The following POMT2 variants were observed in gnomAD, a reference collection of about 807,000 sequenced individuals.
POMT2 encodes the protein protein O-mannosyl-transferase 2.
Under a neutral mutation model 100.0 loss-of-function variants are expected in POMT2, and 75 were observed. That is an observed-to-expected ratio of 0.75 (90% CI 0.62 to 0.91). The LOEUF is 0.91. Ranked by LOEUF, POMT2 falls within the 40% of genes least tolerant of loss-of-function variation. POMT2 has a pLI of 0.00. For missense variants in POMT2, 940 were observed against 955.1 expected, an observed-to-expected ratio of 0.98 and a Z score of 0.21; for synonymous variants, 378 against 374.1, an observed-to-expected ratio of 1.01 and a Z score of -0.12.
At chr14:77,278,597 G>A (rs1016965431) in intron 19 of POMT2, 89 bp from the exon 20 acceptor site, 1 of 1,470,352 alleles carries the variant, frequency 6.8e-7, no homozygotes, top group Non-Finnish European at 9.3e-7. Flanking sequence ...TCAAGGAGCA[G>A]AGAGTCACTC....
intron 1 of POMT2, among the ~76,000 whole-genome samples, chr14:77,318,952 T>C (rs12891780): frequency 0.051 from 7,784 of 152,256 alleles, 387 homozygotes; most frequent in Admixed American, 0.15. Context: ...GCCAGGTTGG[T>C]CTCGAACTCC....
Position 77,320,834 on chromosome 14 carries a change from G to A in POMT2, c.-153C>T. ...GCGCGGGGCCCCGGGCTCGGGGCGGGGCGGGCAGCGTGGTCGCGGCCCGGG... is the reference window on the plus strand; with the variant it reads ...GCGCGGGGCCCCGGGCTCGGGGCGGAGCGGGCAGCGTGGTCGCGGCCCGGG... On this transcript the variant is annotated 5_prime_UTR_variant, in exon 1 of 21. Coordinates refer to ENST00000261534, the MANE Select transcript of POMT2 (RefSeq NM_013382.7). 7.4e-7 allele frequency: 1 copy of A among 1,360,410 alleles called. No homozygotes were observed. The highest frequency in any genetic ancestry group is 9.4e-7 in the Non-Finnish European group (1 of 1,060,064). 84.3% of individuals were successfully genotyped at this position (1,360,410 alleles called of 1,614,324 possible).
intron 9 of POMT2, among the ~76,000 whole-genome samples, chr14:77,295,869 G>A (rs1438650943): frequency 1.3e-5 from 2 of 151,976 alleles, no homozygotes; most frequent in Non-Finnish European, 2.9e-5. Context: ...AAGTAAGCAT[G>A]CACAGTTCAA....
At chr14:77,292,229 T>G (rs1890667588) in intron 9 of POMT2, among the ~76,000 whole-genome samples, 1 of 152,212 alleles carries the variant, frequency 6.6e-6, no homozygotes, top group African/African-American at 2.4e-5. Flanking sequence ...CATGATAGTA[T>G]GTCCTGGGAT....
Position 77,278,829 on chromosome 14 carries a change from C to A in POMT2, c.1932G>T (p.Leu644=), listed in dbSNP as rs760608239. Reference sequence around the variant, plus strand: ...GGAAGTAATGGAGTGTCCAGCCGAGCAGGACCTGGCCGCCTCCTCGAAGCA... The same window carrying A: ...GGAAGTAATGGAGTGTCCAGCCGAGAAGGACCTGGCCGCCTCCTCGAAGCA... ...QVLLRGGGQV[L]LGWTLHYFPF... is the part of the protein sequence containing the mutation. Residue 644 remains leucine, a synonymous_variant, in exon 19 of 21, where the codon CTG becomes CTT. Transcript: ENST00000261534. 1 of 1,613,534 alleles carries A rather than the reference C, an allele frequency of 6.2e-7. No individual in the cohort carries two copies. The highest frequency in any genetic ancestry group is 8.5e-7 in the Non-Finnish European group (1 of 1,179,824).
chr14:77,301,389 T>C, intron 5 of POMT2, 140 bp from the exon 6 acceptor site: 1 of 1,176,652 alleles, frequency 8.5e-7, no homozygotes, highest in Non-Finnish European at 1.2e-6. Context: ...CAAGGGACCA[T>C]GGCGTGGCTC....
intron 18 of POMT2, 91 bp downstream of exon 18, chr14:77,279,732 G>A: frequency 7.8e-7 from 1 of 1,282,386 alleles, no homozygotes; most frequent in South Asian, 1.3e-5. Flanking sequence ...AAACGCAAAG[G>A]ATGGCCCATC....
In POMT2 at chr14:77,304,716, G is replaced by C. The variant is rs1891164136; in HGVS notation, c.523C>G (p.Leu175Val). The change falls in exon 4 of 21, where the codon CTC becomes GTC. Residue 175 changes from leucine to valine, a missense_variant. Coordinates refer to ENST00000261534, the MANE Select transcript of POMT2 (RefSeq NM_013382.7). ...CCAAAGGTGAGGAGGGCAGCTGTGA[G>C]CAGTGCTGCCGAGAGGGACTTGGAC... ...DLSKSLSAAL[L>V]TAALLTFDTG... is the part of the protein sequence containing the mutation. 6.3e-7 allele frequency: 1 copy of C among 1,594,760 alleles called. No individual in the cohort carries two copies. Among genetic ancestry groups the C allele is most frequent in the African/African-American group, 1.3e-5 (1 of 74,926 alleles).
At chr14:77,280,829 T>C (rs922377050) in intron 15 of POMT2, among the ~76,000 whole-genome samples, 7 of 152,310 alleles carry the variant, frequency 4.6e-5, no homozygotes, top group Admixed American at 2.6e-4. Flanking sequence ...CAGTGGCTCA[T>C]GCCTGTAACC....
rs1555352401 is a variant in POMT2, at chr14:77,283,805, T to C, written c.1645A>G (p.Met549Val). The change falls in exon 15 of 21, where the codon ATG becomes GTG. Residue 549 changes from methionine (M) to valine (V), a missense_variant. By Grantham distance (21) the Met-to-Val change is conservative. Coordinates refer to ENST00000261534, the MANE Select transcript of POMT2 (RefSeq NM_013382.7). ...PEILLESHMVMIRGNSGLKPK... is the reference protein window; with the variant it reads ...PEILLESHMVVIRGNSGLKPK... ...GAGAAGGGGACACATACCCGGATCA[T>C]GACCATGTGGGATTCCAGCAAGATC... 1.2e-6 allele frequency: 2 copies of C among 1,609,440 alleles called. No homozygotes were observed. The highest frequency in any genetic ancestry group is 2.2e-5 in the East Asian group (1 of 44,842).
At chr14:77,310,955 G>A (rs1250461088) in intron 2 of POMT2, among the ~76,000 whole-genome samples, 3 of 152,232 alleles carry the variant, frequency 2.0e-5, no homozygotes, top group African/African-American at 4.8e-5. Context: ...CCAACATGGT[G>A]AAACCCCGTC....
rs1000032443 is a variant in POMT2, at chr14:77,298,896, G to A, written c.924-125C>T. On this transcript the variant is annotated intron_variant, in intron 7 of 20. Transcript: ENST00000261534. ...AGTAGAATCAGATCATGGGACAGAG[G>A]TGGGTGATGGAGTTGGAGAAACTGG... The A allele has an allele frequency of 3.2e-6, 3 of 942,370 alleles. No homozygotes were observed. The African/African-American group carries it at 4.9e-5, about 15-fold the overall frequency. The allele number at this position is 942,370 out of a possible 1,614,324, so 58.4% of individuals were successfully genotyped here.
In POMT2 at chr14:77,284,500, A is replaced by G. The variant is rs1337399262; in HGVS notation, c.1576+450T>C. On this transcript the variant is annotated intron_variant, in intron 14 of 20. Transcript: ENST00000261534. ...AGTTGAAGCTGACAACGCAGTGGAA[A>G]TATCAAATTGGAGCTTGGGTGTAGA... The G allele has an allele frequency of 2.8e-5, 6 of 214,472 alleles. No individual in the cohort carries two copies. In the East Asian group the frequency reaches 5.7e-4, roughly 20 times the overall value. The allele number at this position is 214,472 out of a possible 1,614,324, so 13.3% of individuals were successfully genotyped here.
intron 2 of POMT2, 71 bp downstream of exon 2, chr14:77,311,878 T>A: frequency 6.4e-7 from 1 of 1,565,572 alleles, no homozygotes; most frequent in Non-Finnish European, 8.7e-7. Flanking sequence ...AAATCCAAAA[T>A]CAAGATGTGG....
At chr14:77,277,865 C>A (rs1890029759) in intron 20 of POMT2, among the ~76,000 whole-genome samples, 1 of 152,212 alleles carries the variant, frequency 6.6e-6, no homozygotes, top group Non-Finnish European at 1.5e-5. Context: ...CCAAACAACT[C>A]TCCCTTTCAG....
chr14:77,310,394 C>T (rs1279831164), intron 2 of POMT2, among the ~76,000 whole-genome samples: 2 of 152,200 alleles, frequency 1.3e-5, no homozygotes, highest in African/African-American at 2.4e-5. Context: ...CTGAGGCTTA[C>T]ATGAGATAAT....
At chr14:77,297,857 C>A (rs1232656861) in intron 8 of POMT2, among the ~76,000 whole-genome samples, 2 of 152,146 alleles carry the variant, frequency 1.3e-5, no homozygotes, top group East Asian at 3.9e-4. Context: ...CCCAGCCAGC[C>A]TCGACTCTCC....
rs1891373589 is a variant in POMT2 at position 77,309,786 on chromosome 14, T to C, written c.333+2163A>G. Among the ~76,000 whole-genome samples the C allele has an allele frequency of 2.0e-5, 3 of 152,172 alleles. No individual in the cohort carries two copies. The South Asian group carries it at 6.2e-4, about 32-fold the overall frequency. ...CAACCTCTACCTCCCAGGTTCAAGC[T>C]GTTCTCCTGTCTCAGCCTCCCAAAT... is the stretch of plus-strand genomic sequence containing the variant. On this transcript the variant is annotated intron_variant, in intron 2 of 20. Coordinates refer to ENST00000261534, the MANE Select transcript of POMT2 (RefSeq NM_013382.7).
intron 1 of POMT2, among the ~76,000 whole-genome samples, chr14:77,316,554 A>T (rs1482554770): frequency 1.4e-5 from 2 of 144,460 alleles, no homozygotes; most frequent in Non-Finnish European, 3.0e-5. Context: ...CAACAGAGTC[A>T]GATCTCATCT....
Sources: gnomAD v4.1 joint callset for allele counts (sites outside exome capture counted in the v4.1 genomes callset) on GRCh38, gnomAD v4.1.1 for gene constraint, MANE v1.5 for transcripts, NCBI Gene and HGNC (gene_info 2026-07-23, HGNC 2026-07-21) for gene names.